DESI2: variants seen among roughly 807,000 people sequenced by gnomAD.
DESI2 encodes deubiquitinase DESI2.
DESI2 carries 10 observed loss-of-function variants against 24.1 expected under a neutral mutation model. The observed-to-expected ratio is 0.41, with a 90% CI of 0.26 to 0.70. The LOEUF is 0.70. Among genes scored for constraint, DESI2 ranks in the 30% least tolerant of loss-of-function variants. DESI2 has a pLI of 0.29. For missense variants in DESI2, 122 were observed against 234.9 expected (o/e 0.52, Z 3.14); for synonymous variants, 71 against 87.7 (o/e 0.81, Z 1.06).
chr1:244,689,172 AATT>A lies in DESI2; in HGVS notation c.116-72_116-70del. 1.3e-6 allele frequency: 1 copy of A among 766,934 alleles called. No homozygotes were observed. Among genetic ancestry groups the A allele is most frequent in the South Asian group, 1.5e-5 (1 of 64,542 alleles). The allele number at this position is 766,934 out of a possible 1,614,324, so 47.5% of individuals were successfully genotyped here. A position where few individuals can be genotyped will look rare whatever the true frequency, so the allele number is the denominator to read the frequency against. ...TTTAGATGGTGTCACTGTTATCCTC[AATT>A]ATTAAAGCTAATTCAGCATTCTGGT... On this transcript the variant is annotated intron_variant, in intron 2 of 4. Coordinates refer to ENST00000302550, the MANE Select transcript of DESI2 (RefSeq NM_016076.5). The surrounding 1 kb of genome is among the most constrained non-coding windows in gnomAD (Gnocchi z 4.0).
chr1:244,692,953 A>G (rs1026987680), intron 4 of DESI2, among the ~76,000 whole-genome samples: 5 of 152,206 alleles, frequency 3.3e-5, no homozygotes, highest in Non-Finnish European at 7.3e-5. Flanking sequence ...ACTCTAGTCT[A>G]GCGGATGCAT....
At chr1:244,685,110 T>G (rs1170489006) in intron 1 of DESI2, among the ~76,000 whole-genome samples, 2 of 152,194 alleles carry the variant, frequency 1.3e-5, no homozygotes, top group African/African-American at 4.8e-5. Flanking sequence ...TTGCATATTA[T>G]TTATCTTTTT....
intron 1 of DESI2, chr1:244,656,512 G>A (rs1037167286): frequency 2.6e-5 from 4 of 152,060 alleles, no homozygotes; most frequent in African/African-American, 7.2e-5. Context: ...CAATAAAAAC[G>A]TCCTGGAGCT....
Position 244,694,347 on chromosome 1 carries a change from T to C in DESI2, c.351+2327T>C, listed in dbSNP as rs1677132604. 4 of 559,118 alleles carry C rather than the reference T, an allele frequency of 7.2e-6. No homozygotes were observed. In the Admixed American group the frequency reaches 8.3e-5, roughly 12 times the overall value. The allele number at this position is 559,118 out of a possible 1,614,324, so 34.6% of individuals were successfully genotyped here. A position where few individuals can be genotyped will look rare whatever the true frequency, so the allele number is the denominator to read the frequency against. Reference sequence around the variant, plus strand: ...AGTATTATATGGTGACATGTATAAATTATGTAAAGTTCAAACTTTAGTATT... The same window carrying C: ...AGTATTATATGGTGACATGTATAAACTATGTAAAGTTCAAACTTTAGTATT... On this transcript the variant is annotated intron_variant, in intron 4 of 4. Transcript: ENST00000302550.
intron 4 of DESI2, among the ~76,000 whole-genome samples, chr1:244,693,533 G>A (rs902906237): frequency 6.6e-6 from 1 of 152,074 alleles, no homozygotes; most frequent in African/African-American, 2.4e-5. Context: ...CCAGGTTCAA[G>A]CGATTCTCCT....
intron 1 of DESI2, among the ~76,000 whole-genome samples, chr1:244,654,330 C>A (rs1348534182): frequency 6.6e-6 from 1 of 152,130 alleles, no homozygotes; most frequent in Non-Finnish European, 1.5e-5. Context: ...AAAAATTGCC[C>A]GTCGTTATTT....
chr1:244,658,664 A>G (rs571539687), intron 1 of DESI2, among the ~76,000 whole-genome samples: 2 of 52,582 alleles, frequency 3.8e-5, no homozygotes, highest in South Asian at 1.8e-3. Context: ...GAGAGTTGCC[A>G]GTAACTTAAA....
chr1:244,664,363 A>G (rs1675969816), intron 1 of DESI2, among the ~76,000 whole-genome samples: 1 of 152,174 alleles, frequency 6.6e-6, no homozygotes, highest in African/African-American at 2.4e-5. Flanking sequence ...AAGATGTATT[A>G]TTGGGAGAAA....
Position 244,708,087 on chromosome 1 carries a change from A to G in DESI2, c.*2298A>G, listed in dbSNP as rs1351377226. 6.6e-6 allele frequency: 1 copy of G among 152,212 alleles called. No individual in the cohort carries two copies. The highest frequency in any genetic ancestry group is 1.9e-4 in the East Asian group (1 of 5,194). The allele number at this position is 152,212 out of a possible 1,614,324, so 9.4% of individuals were successfully genotyped here. ...TTGAGAATGGATTTAATTAACTAGC[A>G]TTTAGCCAGCTTTTTCTTGCCCTTG... On this transcript the variant is annotated 3_prime_UTR_variant, in exon 5 of 5. Transcript: ENST00000302550.
chr1:244,694,798 C>T (rs998936694), intron 4 of DESI2: 4 of 541,578 alleles, frequency 7.4e-6, no homozygotes, highest in East Asian at 3.1e-5. Flanking sequence ...TTACCTGTTT[C>T]CTTGACTGCT....
chr1:244,695,931 G>A (rs976755806), intron 4 of DESI2, among the ~76,000 whole-genome samples: 1 of 151,974 alleles, frequency 6.6e-6, no homozygotes, highest in African/African-American at 2.4e-5. Flanking sequence ...ATGCCACTAT[G>A]TACAGCTTTT....
chr1:244,679,077 C>T (rs1029135984), intron 1 of DESI2, among the ~76,000 whole-genome samples: 2 of 152,108 alleles, frequency 1.3e-5, no homozygotes, highest in Non-Finnish European at 2.9e-5. Flanking sequence ...CTCACTCAGT[C>T]GCTCAGGCTG....
At chr1:244,673,860 C>G (rs897806595) in intron 1 of DESI2, among the ~76,000 whole-genome samples, 6 of 151,976 alleles carry the variant, frequency 3.9e-5, no homozygotes, top group African/African-American at 1.5e-4. Context: ...TGTTCTGTAT[C>G]TAAAGGAATG....
intron 4 of DESI2, among the ~76,000 whole-genome samples, chr1:244,700,772 A>G (rs927860463): frequency 5.3e-5 from 8 of 152,238 alleles, no homozygotes; most frequent in African/African-American, 1.9e-4. Context: ...CTCAGCAACA[A>G]GAAACATAAT....
chr1:244,670,667 C>T (rs1025029490), intron 1 of DESI2, among the ~76,000 whole-genome samples: 2 of 152,082 alleles, frequency 1.3e-5, no homozygotes, highest in African/African-American at 4.8e-5. Context: ...CTATCTTTCC[C>T]AAAGCCATAC....
Position 244,653,128 on chromosome 1 carries a change from A to T in DESI2, c.-186A>T, listed in dbSNP as rs899359117. The T allele has an allele frequency of 1.7e-5, 8 of 461,100 alleles. No individual in the cohort carries two copies. Among genetic ancestry groups the T allele is most frequent in the Non-Finnish European group, 2.9e-5 (8 of 278,762 alleles). 28.6% of individuals were successfully genotyped at this position (461,100 alleles called of 1,614,324 possible). A position where few individuals can be genotyped will look rare whatever the true frequency, so the allele number is the denominator to read the frequency against. On this transcript the variant is annotated 5_prime_UTR_variant, in exon 1 of 5. Transcript: ENST00000302550. Reference sequence around the variant, plus strand: ...CAACGGTCCGGCCCCGTCCGCACAGACGCTCCTGTCGGCGGCGCCCGGGAG... The same window carrying T: ...CAACGGTCCGGCCCCGTCCGCACAGTCGCTCCTGTCGGCGGCGCCCGGGAG...
At chr1:244,662,145 T>A (rs997933254) in intron 1 of DESI2, among the ~76,000 whole-genome samples, 1 of 152,248 alleles carries the variant, frequency 6.6e-6, no homozygotes, top group African/African-American at 2.4e-5. Flanking sequence ...TGATTTGCAT[T>A]TCTCTGATGG....
Position 244,705,884 on chromosome 1 carries a change from C to A in DESI2, c.*95C>A. 2.3e-6 allele frequency: 2 copies of A among 858,150 alleles called. No homozygotes were observed. Among genetic ancestry groups the A allele is most frequent in the Non-Finnish European group, 3.5e-6 (2 of 564,370 alleles). 53.2% of individuals were successfully genotyped at this position (858,150 alleles called of 1,614,324 possible). On this transcript the variant is annotated 3_prime_UTR_variant, in exon 5 of 5. Transcript: ENST00000302550. ...AAGCATCCTTTAGATATTTTGTATG[C>A]AAAGATGGCTCTCCCCCAAATCCCA...
intron 1 of DESI2, among the ~76,000 whole-genome samples, chr1:244,673,440 G>T (rs1385699305): frequency 6.6e-6 from 1 of 152,232 alleles, no homozygotes; most frequent in Non-Finnish European, 1.5e-5. Context: ...TACATATTTA[G>T]AATTGTTTTC....
Sources: allele counts gnomAD v4.1 joint callset (sites outside exome capture counted in the v4.1 genomes callset), GRCh38; gene constraint gnomAD v4.1.1; non-coding constraint Gnocchi (gnomAD v3.1); transcripts MANE v1.5; gene names NCBI Gene and HGNC (gene_info 2026-07-23, HGNC 2026-07-21).